Variants in OSBPL6 observed in about 807,000 individuals in gnomAD.
OSBPL6 encodes oxysterol-binding protein-related protein 6.
In OSBPL6, 49 loss-of-function variants were observed where a neutral mutation model predicts 125.8. That is an observed-to-expected ratio of 0.39 (90% confidence interval 0.31 to 0.49). The LOEUF is 0.49. Among genes scored for constraint, OSBPL6 ranks in the 20% least tolerant of loss-of-function variants. The pLI is 0.88. For missense variants in OSBPL6, 986 were observed against 1,135.4 expected (o/e 0.87, Z 1.89); for synonymous variants, 394 against 391.8 (o/e 1.01, Z -0.07).
intron 3 of OSBPL6, among the ~76,000 whole-genome samples, chr2:178,311,294 C>A (rs1300470497): frequency 6.6e-6 from 1 of 152,158 alleles, no homozygotes; most frequent in Non-Finnish European, 1.5e-5. Context: ...CCCGGTTTGT[C>A]ATACACTTGG....
At chr2:178,342,373 T>A (rs114071179) in intron 11 of OSBPL6, among the ~76,000 whole-genome samples, 7,551 of 152,262 alleles carry the variant, frequency 0.05, 238 homozygotes, top group South Asian at 0.15. Flanking sequence ...GAAAAAATTT[T>A]AAATAGATCA....
chr2:178,309,819 T>G (rs77395394), intron 3 of OSBPL6, among the ~76,000 whole-genome samples: 4,254 of 152,258 alleles, frequency 0.028, 187 homozygotes, highest in African/African-American at 0.097. Context: ...AGAGGGAGCA[T>G]AAGGGTTGTT....
chr2:178,313,254 AGTTCT>A (rs1475381032), intron 3 of OSBPL6, among the ~76,000 whole-genome samples: 1 of 152,232 alleles, frequency 6.6e-6, no homozygotes, highest in Non-Finnish European at 1.5e-5. Flanking sequence ...CATTTTCAGT[AGTTCT>A]GGGATTATGC....
chr2:178,203,177 T>C (rs2089347908), intron 1 of OSBPL6, among the ~76,000 whole-genome samples: 2 of 152,200 alleles, frequency 1.3e-5, no homozygotes, highest in Admixed American at 1.3e-4. Context: ...TCTTTACACT[T>C]AGTTTCTTTT....
At chr2:178,309,349 T>G (rs1431049362) in intron 3 of OSBPL6, among the ~76,000 whole-genome samples, 1 of 152,218 alleles carries the variant, frequency 6.6e-6, no homozygotes, top group Non-Finnish European at 1.5e-5. Context: ...GCCTTGAACC[T>G]CAAATGTTTT....
intron 1 of OSBPL6, among the ~76,000 whole-genome samples, chr2:178,266,993 C>T (rs780557460): frequency 7.2e-5 from 11 of 152,102 alleles, no homozygotes; most frequent in Non-Finnish European, 1.0e-4. Context: ...GGGTCTTGAG[C>T]AGCATGGGGA....
rs1206160244 is a variant in OSBPL6 at position 178,383,137 on chromosome 2, AT to A, written c.1737del (p.Ile579MetfsTer14). 6.2e-7 allele frequency: 1 copy of A among 1,614,178 alleles called. No homozygotes were observed. On this transcript the variant is annotated frameshift_variant, in exon 17 of 25. Transcript: ENST00000190611. LOFTEE classifies it high-confidence loss of function. ...INLWNILRNN[I>X]GKDLSKVSMP... ...CCTGTGGAATATCTTGAGGAACAACATTGGTAAAGACCTGTCTAAAGTCTCT... is the reference window on the plus strand; with the variant it reads ...CCTGTGGAATATCTTGAGGAACAACATGGTAAAGACCTGTCTAAAGTCTCT...
At chr2:178,267,713 C>G (rs1052955821) in intron 1 of OSBPL6, among the ~76,000 whole-genome samples, 3 of 151,382 alleles carry the variant, frequency 2.0e-5, no homozygotes, top group Admixed American at 6.6e-5. Context: ...AGATACTGCA[C>G]TAGGCATTTA....
chr2:178,372,275 G>C (rs1334513141), intron 14 of OSBPL6, 42 bp downstream of exon 14: 1 of 1,411,786 alleles, frequency 7.1e-7, no homozygotes, highest in Non-Finnish European at 9.8e-7. Flanking sequence ...CTATTTTTTA[G>C]CATCTAAATT....
intron 12 of OSBPL6, among the ~76,000 whole-genome samples, chr2:178,360,593 TTGAA>T (rs1263412945): frequency 1.3e-5 from 2 of 152,188 alleles, no homozygotes; most frequent in Non-Finnish European, 2.9e-5. Flanking sequence ...TAAGCCTCCA[TTGAA>T]ACTACATATT....
intron 1 of OSBPL6, among the ~76,000 whole-genome samples, chr2:178,239,618 T>G (rs79378749): frequency 6.7e-6 from 1 of 149,998 alleles, no homozygotes; most frequent in Admixed American, 6.7e-5. Context: ...ATTTATTTAT[T>G]TATTTATTTA....
chr2:178,340,550 A>G (rs1690103891), intron 11 of OSBPL6, among the ~76,000 whole-genome samples: 1 of 152,086 alleles, frequency 6.6e-6, no homozygotes, highest in African/African-American at 2.4e-5. Flanking sequence ...AGATTATGTC[A>G]TAAACCATAT....
At chr2:178,299,479 A>ATATG (rs1169836950) in intron 2 of OSBPL6, among the ~76,000 whole-genome samples, 1 of 152,130 alleles carries the variant, frequency 6.6e-6, no homozygotes, top group Non-Finnish European at 1.5e-5. Flanking sequence ...TGTTATTCTC[A>ATATG]TATGTTTACT....
intron 13 of OSBPL6, among the ~76,000 whole-genome samples, chr2:178,367,082 G>T (rs1290803913): frequency 1.3e-5 from 2 of 152,088 alleles, no homozygotes; most frequent in Non-Finnish European, 2.9e-5. Flanking sequence ...TTAAAATTAT[G>T]TGTGTGAAGA....
At chr2:178,227,851 G>T (rs2090627442) in intron 1 of OSBPL6, among the ~76,000 whole-genome samples, 1 of 152,166 alleles carries the variant, frequency 6.6e-6, no homozygotes, top group Non-Finnish European at 1.5e-5. Context: ...GTAGGGGGAG[G>T]CAGGAAGATG....
chr2:178,359,791 A>G (rs1411955220), intron 12 of OSBPL6, among the ~76,000 whole-genome samples: 1 of 152,234 alleles, frequency 6.6e-6, no homozygotes, highest in Non-Finnish European at 1.5e-5. Flanking sequence ...ATGCTAAGTG[A>G]AATAAGCCAG....
At chr2:178,386,523 G>A (rs1276466875) in intron 19 of OSBPL6, among the ~76,000 whole-genome samples, 1 of 151,864 alleles carries the variant, frequency 6.6e-6, no homozygotes, top group Non-Finnish European at 1.5e-5. Flanking sequence ...CAAATTATAT[G>A]TCTTTGATAT....
chr2:178,365,366 T>C (rs1384317834), intron 13 of OSBPL6, among the ~76,000 whole-genome samples: 1 of 152,206 alleles, frequency 6.6e-6, no homozygotes, highest in Non-Finnish European at 1.5e-5. Context: ...ATACTTGAAA[T>C]TAGCATTTTT....
At chr2:178,203,318 A>G (rs1242740642) in intron 1 of OSBPL6, among the ~76,000 whole-genome samples, 1 of 152,144 alleles carries the variant, frequency 6.6e-6, no homozygotes, top group Non-Finnish European at 1.5e-5. Context: ...AGCTGGGATT[A>G]TAGGCTTATA....
Sources: gnomAD v4.1 joint callset for allele counts (sites outside exome capture counted in the v4.1 genomes callset) on GRCh38, gnomAD v4.1.1 for gene constraint, MANE v1.5 for transcripts, NCBI Gene and HGNC (gene_info 2026-07-23, HGNC 2026-07-21) for gene names.